The following SNTG2 variants were observed in gnomAD, a reference collection of about 807,000 sequenced individuals.
SNTG2 encodes the protein syntrophin gamma 2, also known as gamma-2-syntrophin.
In SNTG2, 74 loss-of-function variants were observed where a neutral mutation model predicts 70.9. That is an observed-to-expected ratio of 1.04 (90% CI 0.86 to 1.27). SNTG2 has a LOEUF of 1.27. Among genes scored for constraint, SNTG2 ranks in the 50% most tolerant of loss-of-function variants. SNTG2 has a pLI of 0.00. For synonymous variants in SNTG2, 278 were observed against 273.8 expected, an observed-to-expected ratio of 1.02 and a Z score of -0.15; for missense variants, 717 against 690.7, an observed-to-expected ratio of 1.04 and a Z score of -0.43.
At chr2:1,335,929 G>A (rs1294795951) in intron 16 of SNTG2, among the ~76,000 whole-genome samples, 2 of 152,028 alleles carry the variant, frequency 1.3e-5, no homozygotes, top group Non-Finnish European at 2.9e-5. Flanking sequence ...TCACAGTCAT[G>A]GTTTACGTCA....
chr2:1,201,031 C>A (rs939165098), intron 8 of SNTG2, among the ~76,000 whole-genome samples: 3 of 151,916 alleles, frequency 2.0e-5, no homozygotes, highest in African/African-American at 7.2e-5. Flanking sequence ...TATGATTGAG[C>A]AATCCCACTA....
intron 16 of SNTG2, among the ~76,000 whole-genome samples, chr2:1,356,334 C>A (rs73179485): frequency 0.025 from 3,823 of 152,166 alleles, 159 homozygotes; most frequent in African/African-American, 0.087. Context: ...ATGTTTAAGT[C>A]GTTAATCTAT....
At chr2:1,255,833 A>AAT (rs199636992) in intron 12 of SNTG2, among the ~76,000 whole-genome samples, 3 of 35,740 alleles carry the variant, frequency 8.4e-5, no homozygotes, top group East Asian at 7.9e-4. Context: ...TATATATATA[A>AAT]ATATATATAA....
intron 1 of SNTG2, among the ~76,000 whole-genome samples, chr2:1,066,331 A>C (rs541796898): frequency 2.0e-5 from 3 of 152,160 alleles, no homozygotes; most frequent in Admixed American, 6.5e-5. Flanking sequence ...CAACTCATTC[A>C]ACTTTTGAAG....
At chr2:980,569 A>G (rs1446553258) in intron 1 of SNTG2, among the ~76,000 whole-genome samples, 2 of 152,176 alleles carry the variant, frequency 1.3e-5, no homozygotes, top group African/African-American at 4.8e-5. Context: ...CCAAGAATAC[A>G]ATGATTTCTA....
At chr2:1,259,607 G>C (rs1293692538) in intron 13 of SNTG2, among the ~76,000 whole-genome samples, 166 bp downstream of exon 13, 1 of 152,156 alleles carries the variant, frequency 6.6e-6, no homozygotes, top group Non-Finnish European at 1.5e-5. Flanking sequence ...CTGGTACATG[G>C]GTTCTAGCTG....
intron 6 of SNTG2, chr2:1,161,491 C>T (rs1193940320): frequency 6.6e-6 from 1 of 152,220 alleles, no homozygotes; most frequent in African/African-American, 2.4e-5. Context: ...GCCCCCTAGG[C>T]AGGTGTGGGC....
At chr2:1,199,792 G>A (rs1673166219) in intron 8 of SNTG2, among the ~76,000 whole-genome samples, 1 of 151,718 alleles carries the variant, frequency 6.6e-6, no homozygotes, top group African/African-American at 2.4e-5. Context: ...AAAATATTTA[G>A]GAATAAGTTT....
chr2:1,262,692 TCCGTCCAGACGAGGCAACC>T (rs1678488992), intron 13 of SNTG2, among the ~76,000 whole-genome samples: 4 of 140,652 alleles, frequency 2.8e-5, no homozygotes, highest in Admixed American at 1.4e-4. Flanking sequence ...ACCGGAAGGC[TCCGTCCAGACGAGGCAACC>T]GGAAGGCTCC....
At position 1,098,416 on chromosome 2, in the gene SNTG2, A is replaced by G; in HGVS notation, c.325+6A>G. ...AATATTCGAAGACCAAGCAGGTAAA[A>G]ACAGCCAAAATGACCTGTGTATGCA... On this transcript the variant is annotated splice_donor_region_variant and intron_variant, in intron 4 of 16. Coordinates refer to ENST00000308624, the MANE Select transcript of SNTG2 (RefSeq NM_018968.4). 1 of 1,613,958 alleles carries G rather than the reference A, an allele frequency of 6.2e-7. No individual in the cohort carries two copies. Among genetic ancestry groups the G allele is most frequent in the Non-Finnish European group, 8.5e-7 (1 of 1,179,868 alleles).
At position 1,113,269 on chromosome 2, in the gene SNTG2, C is replaced by T. The variant is rs1269229248; in HGVS notation, c.325+14859C>T. On this transcript the variant is annotated intron_variant, in intron 4 of 16. Transcript: ENST00000308624. Reference sequence around the variant, plus strand: ...GGTGTGTACTAAGTGAGGTTTAACCCTTACAGTCCTTTGAGAAGGATCGTG... The same window carrying T: ...GGTGTGTACTAAGTGAGGTTTAACCTTTACAGTCCTTTGAGAAGGATCGTG... 2.5e-3 allele frequency among the ~76,000 whole-genome samples: 374 copies of T among 151,016 alleles called. 1 individual carries two copies. Among genetic ancestry groups the T allele is most frequent in the African/African-American group, 8.8e-3 (358 of 40,572 alleles).
intron 14 of SNTG2, among the ~76,000 whole-genome samples, chr2:1,293,760 G>A (rs906815682): frequency 5.9e-5 from 9 of 152,012 alleles, no homozygotes; most frequent in African/African-American, 7.2e-5. Context: ...CTTGTTTTGC[G>A]GCCGAGCATG....
At chr2:1,222,335 G>C (rs1675301245) in intron 9 of SNTG2, among the ~76,000 whole-genome samples, 1 of 152,246 alleles carries the variant, frequency 6.6e-6, no homozygotes, top group Non-Finnish European at 1.5e-5. Context: ...TCGTATCCAA[G>C]CAAGATAAAT....
At chr2:969,809 C>T (rs1252852037) in intron 1 of SNTG2, among the ~76,000 whole-genome samples, 1 of 152,158 alleles carries the variant, frequency 6.6e-6, no homozygotes, top group Admixed American at 6.5e-5. Flanking sequence ...TGTCTGCAAA[C>T]AGAGATAATT....
intron 8 of SNTG2, among the ~76,000 whole-genome samples, chr2:1,197,281 T>TATTCTATACAA (rs1319097050): frequency 6.6e-6 from 1 of 151,896 alleles, no homozygotes; most frequent in Non-Finnish European, 1.5e-5. Flanking sequence ...TAGAAAAAGC[T>TATTCTATACAA]ATTCTATACA....
chr2:1,221,841 G>C (rs567512580), intron 9 of SNTG2, among the ~76,000 whole-genome samples: 2 of 3,976 alleles, frequency 5.0e-4, no homozygotes, highest in African/African-American at 1.4e-3. Context: ...GTCTCTCTCT[G>C]TCTCTGTCTC....
chr2:1,318,897 G>A (rs1379812846), intron 16 of SNTG2, among the ~76,000 whole-genome samples: 4 of 152,210 alleles, frequency 2.6e-5, no homozygotes, highest in Admixed American at 2.6e-4. Context: ...TGTCCCCGTG[G>A]CTTTCTGAGC....
intron 14 of SNTG2, among the ~76,000 whole-genome samples, chr2:1,269,239 C>T (rs898141766): frequency 6.6e-6 from 1 of 152,156 alleles, no homozygotes; most frequent in South Asian, 2.1e-4. Context: ...CACGGTGGTT[C>T]ATGCCTGTAA....
chr2:1,154,060 A>G (rs1669691014), intron 6 of SNTG2, among the ~76,000 whole-genome samples: 1 of 152,248 alleles, frequency 6.6e-6, no homozygotes, highest in African/African-American at 2.4e-5. Flanking sequence ...GGAAATCTTA[A>G]AAGTTTCAGA....
Sources: gnomAD v4.1 joint callset for allele counts (sites outside exome capture counted in the v4.1 genomes callset) on GRCh38, gnomAD v4.1.1 for gene constraint, MANE v1.5 for transcripts, NCBI Gene and HGNC (gene_info 2026-07-23, HGNC 2026-07-21) for gene names.